The following USH2A variants were observed in gnomAD, a reference collection of about 807,000 sequenced individuals.
USH2A encodes Usher syndrome 2A (autosomal recessive, mild).
A neutral mutation model predicts 538.9 loss-of-function variants in USH2A; 443 were observed. That is an observed-to-expected ratio of 0.82 (90% CI 0.76 to 0.89). The LOEUF (loss-of-function observed/expected upper bound fraction) is 0.89, where lower values mean the gene tolerates loss of function less well. Ranked by LOEUF, USH2A falls within the 40% of genes least tolerant of loss-of-function variation. The pLI is 0.00. For missense variants in USH2A, 6,633 were observed against 6,324.8 expected, an observed-to-expected ratio of 1.05 and a Z score of -1.65; for synonymous variants, 2,413 against 2,273.5, an observed-to-expected ratio of 1.06 and a Z score of -1.75.
At position 215,982,213 on chromosome 1, in the gene USH2A, G is replaced by A. The variant is rs551593717; in HGVS notation, c.6805+10807C>T. Among the ~76,000 whole-genome samples the A allele has an allele frequency of 2.0e-5, 3 of 152,200 alleles. No homozygotes were observed. The East Asian group carries it at 5.8e-4, about 29-fold the overall frequency. ...TTTCATTTCTTGACCAACAAAATGG[G>A]GTAATATTCCTTGCCCTGGTGGCCT... On this transcript the variant is annotated intron_variant, in intron 35 of 71. Coordinates refer to ENST00000307340, the MANE Select transcript of USH2A (RefSeq NM_206933.4).
chr1:216,255,079 A>G (rs1239508874), intron 11 of USH2A, among the ~76,000 whole-genome samples: 2 of 152,202 alleles, frequency 1.3e-5, no homozygotes, highest in Non-Finnish European at 2.9e-5. Flanking sequence ...CTGATAACAA[A>G]CAAATATCTA....
intron 38 of USH2A, among the ~76,000 whole-genome samples, chr1:215,905,634 A>G (rs1340164884): frequency 6.6e-6 from 1 of 152,092 alleles, no homozygotes; most frequent in East Asian, 1.9e-4. Context: ...CTTGTCTTTC[A>G]GAGATCCCTG....
intron 44 of USH2A, among the ~76,000 whole-genome samples, chr1:215,849,935 A>G (rs1663972002): frequency 6.6e-6 from 1 of 151,946 alleles, no homozygotes; most frequent in South Asian, 2.1e-4. Context: ...GATGAGAGAA[A>G]TACTTTCTTA....
intron 46 of USH2A, among the ~76,000 whole-genome samples, chr1:215,840,996 A>G (rs1331629978): frequency 1.3e-5 from 2 of 152,154 alleles, no homozygotes; most frequent in Non-Finnish European, 2.9e-5. Context: ...CAGGTAGGCT[A>G]TGGGAATCAT....
intron 64 of USH2A, among the ~76,000 whole-genome samples, chr1:215,665,974 T>C (rs1241669113): frequency 6.6e-6 from 1 of 152,270 alleles, no homozygotes; most frequent in Non-Finnish European, 1.5e-5. Flanking sequence ...CAGAGAATGT[T>C]TGCTTTCTAA....
At chr1:215,967,866 T>C (rs760282543) in intron 36 of USH2A, among the ~76,000 whole-genome samples, 10 of 152,130 alleles carry the variant, frequency 6.6e-5, no homozygotes, top group Non-Finnish European at 8.8e-5. Flanking sequence ...CCATATCACA[T>C]AGCAATGACC....
intron 9 of USH2A, among the ~76,000 whole-genome samples, chr1:216,319,966 G>A (rs1346553492): frequency 1.3e-5 from 2 of 152,164 alleles, no homozygotes; most frequent in African/African-American, 2.4e-5. Flanking sequence ...ATGTTCACAA[G>A]TCATACATGA....
rs999569692 is a variant in USH2A at position 215,766,689 on chromosome 1, G to A, written c.11039C>T (p.Ala3680Val). 6.2e-7 allele frequency: 1 copy of A among 1,613,294 alleles called. No homozygotes were observed. ...GGATATTGTTTCATTACCTTCAGGA[G>A]CTGCCTGCAGTGTCTGACCTAGAAA... Reference protein sequence around the residue: ...EPFLGQTLQAAPEGVWVTPRH... With the variant: ...EPFLGQTLQAVPEGVWVTPRH... Residue 3680 changes from alanine to valine, a missense_variant, in exon 56 of 72, where the codon GCT becomes GTT. Physicochemically the swap from Ala to Val is moderately conservative, Grantham distance 64. Coordinates refer to ENST00000307340, the MANE Select transcript of USH2A (RefSeq NM_206933.4).
intron 21 of USH2A, among the ~76,000 whole-genome samples, chr1:216,168,596 G>C (rs2034215681): frequency 6.6e-6 from 1 of 152,062 alleles, no homozygotes; most frequent in Non-Finnish European, 1.5e-5. Flanking sequence ...CTTGCCTGGG[G>C]ACCTGTCTGC....
intron 29 of USH2A, among the ~76,000 whole-genome samples, chr1:216,071,303 A>G (rs2031549727): frequency 1.3e-5 from 2 of 152,162 alleles, no homozygotes; most frequent in Admixed American, 6.5e-5. Flanking sequence ...AGGAAACACC[A>G]AAGGGGAGAA....
At chr1:216,061,537 T>G (rs1571926347) in intron 30 of USH2A, among the ~76,000 whole-genome samples, 1 of 152,310 alleles carries the variant, frequency 6.6e-6, no homozygotes, top group African/African-American at 2.4e-5. Flanking sequence ...AAATAGAGTT[T>G]CCCTGTGCTG....
chr1:215,972,581 A>C (rs747893638), intron 35 of USH2A, among the ~76,000 whole-genome samples: 6 of 152,186 alleles, frequency 3.9e-5, no homozygotes, highest in Non-Finnish European at 7.4e-5. Flanking sequence ...CTCTTATACC[A>C]ATCAGATCTA....
At chr1:215,797,047 T>C (rs971887244) in intron 50 of USH2A, among the ~76,000 whole-genome samples, 1 of 152,184 alleles carries the variant, frequency 6.6e-6, no homozygotes, top group Non-Finnish European at 1.5e-5. Flanking sequence ...TATCATTCAC[T>C]TATGAATAAG....
chr1:216,113,366 C>A, intron 21 of USH2A, among the ~76,000 whole-genome samples: 1 of 152,024 alleles, frequency 6.6e-6, no homozygotes, highest in Non-Finnish European at 1.5e-5. Flanking sequence ...GAGTTCACTG[C>A]AAGAAATTTC....
In USH2A at chr1:215,965,415, C is replaced by A; in HGVS notation, c.7022G>T (p.Gly2341Val). The change falls in exon 37 of 72, where the codon GGA (glycine) becomes GTA (valine). Residue 2341 changes from glycine to valine, a missense_variant. By Grantham distance (109) the Gly-to-Val change is moderately radical. Coordinates refer to ENST00000307340, the MANE Select transcript of USH2A (RefSeq NM_206933.4). ...GTVNVFVKTQ[G>V]SRKAHVRWEA... ...CCACCTCACGTGGGCTTTCCGGGAT[C>A]CCTGTGTTTTGACAAACACATTTAC... is the stretch of plus-strand genomic sequence containing the variant. 6.2e-7 allele frequency: 1 copy of A among 1,613,854 alleles called. No individual in the cohort carries two copies. The highest frequency in any genetic ancestry group is 8.5e-7 in the Non-Finnish European group (1 of 1,179,828).
At chr1:216,263,613 T>C (rs571320710) in intron 11 of USH2A, among the ~76,000 whole-genome samples, 7 of 152,090 alleles carry the variant, frequency 4.6e-5, no homozygotes, top group Non-Finnish European at 1.0e-4. Flanking sequence ...ATGGAAGAAA[T>C]GTACCTCAAT....
At chr1:215,626,913 G>C (rs1218615411) in intron 71 of USH2A, among the ~76,000 whole-genome samples, 1 of 152,202 alleles carries the variant, frequency 6.6e-6, no homozygotes, top group Admixed American at 6.5e-5. Flanking sequence ...TTGCTGTTTT[G>C]CATGTCAAAA....
At chr1:216,080,058 T>G (rs1352076407) in intron 26 of USH2A, 3 of 152,120 alleles carry the variant, frequency 2.0e-5, no homozygotes, top group African/African-American at 7.2e-5. Context: ...TCATTTTAAA[T>G]ATATTGAGTT....
intron 61 of USH2A, among the ~76,000 whole-genome samples, chr1:215,697,245 C>G (rs1237252177): frequency 1.3e-5 from 2 of 151,942 alleles, no homozygotes; most frequent in Admixed American, 1.3e-4. Context: ...AGGTGTGAGT[C>G]ACCTCACCTG....
Sources: allele counts gnomAD v4.1 joint callset (sites outside exome capture counted in the v4.1 genomes callset), GRCh38; gene constraint gnomAD v4.1.1; transcripts MANE v1.5; gene names NCBI Gene and HGNC (gene_info 2026-07-23, HGNC 2026-07-21).